ASXL3: variants seen among roughly 807,000 people sequenced by gnomAD.
ASXL3 encodes putative Polycomb group protein ASXL3.
A neutral mutation model predicts 170.6 loss-of-function variants in ASXL3; 34 were observed. The observed-to-expected ratio is 0.20, with a 90% CI of 0.15 to 0.27. The LOEUF is 0.27. ASXL3 is among the 10% of genes least tolerant of loss of function. ASXL3 has a pLI of 1.00. For synonymous variants in ASXL3, 1,002 were observed against 989.1 expected, an observed-to-expected ratio of 1.01 and a Z score of -0.24; for missense variants, 2,592 against 2,695.3, an observed-to-expected ratio of 0.96 and a Z score of 0.85.
intron 4 of ASXL3, among the ~76,000 whole-genome samples, chr18:33,659,326 A>T (rs1249212790): frequency 6.6e-6 from 1 of 152,104 alleles, no homozygotes; most frequent in African/African-American, 2.4e-5. Context: ...AAGCATTCTC[A>T]TATTTTCCCT....
At position 33,662,661 on chromosome 18, in the gene ASXL3, C is replaced by T. The variant is rs150923980; in HGVS notation, c.477+924C>T. ...GTATTTAATTCTGAATTCATAGTTT[C>T]CCCTTGTTTAAGTGCTTTCCTCTGA... On this transcript the variant is annotated intron_variant, in intron 5 of 11. Transcript: ENST00000269197. Among the ~76,000 whole-genome samples the T allele has an allele frequency of 6.1e-3, 935 of 152,204 alleles. 7 individuals carry two copies. Among genetic ancestry groups the T allele is most frequent in the African/African-American group, 0.021 (880 of 41,542 alleles).
chr18:33,639,813 A>G (rs1246612353), intron 2 of ASXL3, among the ~76,000 whole-genome samples: 1 of 152,172 alleles, frequency 6.6e-6, no homozygotes, highest in African/African-American at 2.4e-5. Flanking sequence ...AAACAGACAT[A>G]TTCATGCCAA....
chr18:33,665,448 G>T (rs866143865), intron 5 of ASXL3, among the ~76,000 whole-genome samples: 1 of 152,188 alleles, frequency 6.6e-6, no homozygotes, highest in Non-Finnish European at 1.5e-5. Flanking sequence ...AGTTGTTGGT[G>T]CCTGAAACAG....
chr18:33,652,603 C>CAAAAAAAAAAAAAA lies in ASXL3; in HGVS notation c.355+6263_355+6264insAAAAAAAAAAAAAA, dbSNP rs554834298. On this transcript the variant is annotated intron_variant, in intron 4 of 11. Coordinates refer to ENST00000269197, the MANE Select transcript of ASXL3 (RefSeq NM_030632.3). ...AGTATTTTAAAAGTTTCTGTTGGGGCAAAAAAAAAAAAAGAACATGAATCT... is the reference window on the plus strand; with the variant it reads ...AGTATTTTAAAAGTTTCTGTTGGGGCAAAAAAAAAAAAAAAAAAAAAAAAAAAGAACATGAATCT... Among the ~76,000 whole-genome samples, 337 of 112,164 alleles carry CAAAAAAAAAAAAAA rather than the reference C, an allele frequency of 3.0e-3. 24 individuals carry two copies. The highest frequency in any genetic ancestry group is 9.4e-3 in the African/African-American group (270 of 28,660). 73.6% of individuals were successfully genotyped at this position (112,164 alleles called of 152,430 possible).
chr18:33,732,462 C>T (rs1490490053), intron 9 of ASXL3, among the ~76,000 whole-genome samples: 1 of 152,176 alleles, frequency 6.6e-6, no homozygotes, highest in Non-Finnish European at 1.5e-5. Flanking sequence ...TCTTGAAAGA[C>T]TACAGAATGC....
At chr18:33,737,609 C>CAGTAAGAGATCTGCATAAA (rs2067570084) in intron 10 of ASXL3, among the ~76,000 whole-genome samples, 1 of 152,046 alleles carries the variant, frequency 6.6e-6, no homozygotes, top group African/African-American at 2.4e-5. Flanking sequence ...AATATCTTTA[C>CAGTAAGAGATCTGCATAAA]AGTAAGAGAT....
chr18:33,714,323 A>G (rs537111828), intron 8 of ASXL3, among the ~76,000 whole-genome samples: 2 of 152,284 alleles, frequency 1.3e-5, no homozygotes, highest in East Asian at 1.9e-4. Flanking sequence ...ATTGAATTCA[A>G]TATAGGCAGG....
intron 4 of ASXL3, among the ~76,000 whole-genome samples, chr18:33,654,370 T>TA (rs34584185): frequency 9.9e-5 from 15 of 152,048 alleles, no homozygotes; most frequent in Admixed American, 4.6e-4. Flanking sequence ...TCATGTTCTT[T>TA]AAAAAAAGTA....
intron 8 of ASXL3, among the ~76,000 whole-genome samples, chr18:33,687,503 A>T (rs1257387233): frequency 1.3e-5 from 2 of 152,164 alleles, no homozygotes; most frequent in Non-Finnish European, 2.9e-5. Flanking sequence ...TCCTCCTTTG[A>T]CTACCCCAAG....
intron 1 of ASXL3, among the ~76,000 whole-genome samples, chr18:33,583,576 A>G (rs928998424): frequency 2.0e-5 from 3 of 152,188 alleles, no homozygotes; most frequent in African/African-American, 7.2e-5. Flanking sequence ...GCTGGATAAA[A>G]ATGTACTTGA....
intron 7 of ASXL3, among the ~76,000 whole-genome samples, chr18:33,674,611 G>A (rs1357138323): frequency 6.6e-6 from 1 of 151,946 alleles, no homozygotes; most frequent in Non-Finnish European, 1.5e-5. Flanking sequence ...TCTCCAGAAA[G>A]TAACCCATGT....
At chr18:33,598,421 T>A (rs1051936446) in intron 1 of ASXL3, among the ~76,000 whole-genome samples, 1 of 152,188 alleles carries the variant, frequency 6.6e-6, no homozygotes, top group Non-Finnish European at 1.5e-5. Flanking sequence ...CCCCAGTGCC[T>A]CTGTATAAAA....
chr18:33,659,403 T>C (rs2066136173), intron 4 of ASXL3, among the ~76,000 whole-genome samples: 1 of 152,084 alleles, frequency 6.6e-6, no homozygotes, highest in Non-Finnish European at 1.5e-5. Flanking sequence ...AAGTTTCCAA[T>C]TTTCTAGATG....
chr18:33,721,917 A>ATTTTGG, intron 8 of ASXL3, among the ~76,000 whole-genome samples: 1 of 152,020 alleles, frequency 6.6e-6, no homozygotes, highest in Non-Finnish European at 1.5e-5. Flanking sequence ...GGTAATTCTC[A>ATTTTGG]TAATATTTCA....
intron 4 of ASXL3, among the ~76,000 whole-genome samples, chr18:33,648,624 G>A (rs2065951418): frequency 6.6e-6 from 1 of 152,022 alleles, no homozygotes; most frequent in South Asian, 2.1e-4. Context: ...TGATTTGGAA[G>A]TGGCCAGTTT....
chr18:33,636,243 A>G lies in ASXL3; in HGVS notation c.138-8651A>G, dbSNP rs145955057. Among the ~76,000 whole-genome samples the G allele has an allele frequency of 4.1e-3, 626 of 152,098 alleles. 9 individuals carry two copies. The highest frequency in any genetic ancestry group is 0.014 in the African/African-American group (574 of 41,498). On this transcript the variant is annotated intron_variant, in intron 2 of 11. Coordinates refer to ENST00000269197, the MANE Select transcript of ASXL3 (RefSeq NM_030632.3). ...GAGGTAGATGCCAACTGTGTTGTAG[A>G]TGACCCTAATGCTGGCCTGAGGACT...
intron 10 of ASXL3, among the ~76,000 whole-genome samples, chr18:33,735,242 A>G (rs766097340): frequency 6.6e-6 from 1 of 152,214 alleles, no homozygotes; most frequent in Non-Finnish European, 1.5e-5. Flanking sequence ...ACAAAATTAC[A>G]CTTGTAAATG....
intron 4 of ASXL3, among the ~76,000 whole-genome samples, chr18:33,658,928 C>T (rs1314786882): frequency 6.6e-6 from 1 of 151,970 alleles, no homozygotes; most frequent in Non-Finnish European, 1.5e-5. Context: ...ATTCTGGGCT[C>T]TAAATTGAAT....
chr18:33,696,691 T>C (rs535129506), intron 8 of ASXL3, among the ~76,000 whole-genome samples: 1 of 152,026 alleles, frequency 6.6e-6, no homozygotes, highest in East Asian at 1.9e-4. Context: ...AATATCATTC[T>C]TGCTTTCTCG....
Sources: gnomAD v4.1 joint callset for allele counts (sites outside exome capture counted in the v4.1 genomes callset) on GRCh38, gnomAD v4.1.1 for gene constraint, MANE v1.5 for transcripts, NCBI Gene and HGNC (gene_info 2026-07-23, HGNC 2026-07-21) for gene names.